The following NRXN3 variants were observed in gnomAD, a reference collection of about 807,000 sequenced individuals.
NRXN3 encodes the protein neurexin 3.
NRXN3 carries 32 observed loss-of-function variants against 137.6 expected under a neutral mutation model. The ratio of observed to expected loss-of-function variants is 0.23; its 90% confidence interval spans 0.18 to 0.31. NRXN3 has a LOEUF of 0.31. Among genes scored for constraint, NRXN3 ranks in the 10% least tolerant of loss-of-function variants. The pLI, the probability that NRXN3 is intolerant of heterozygous loss-of-function variation, is 1.00. For synonymous variants in NRXN3, 798 were observed against 784.5 expected (o/e 1.02, Z -0.29); for missense variants, 1,574 against 2,062.5 (o/e 0.76, Z 4.59).
chr14:79,366,564 C>T (rs2093900864), intron 15 of NRXN3, among the ~76,000 whole-genome samples: 1 of 152,088 alleles, frequency 6.6e-6, no homozygotes, highest in African/African-American at 2.4e-5. Context: ...GAGAACATTC[C>T]ATGCACTTCT....
chr14:78,381,291 T>G (rs2089068009), intron 4 of NRXN3, among the ~76,000 whole-genome samples: 1 of 152,122 alleles, frequency 6.6e-6, no homozygotes, highest in African/African-American at 2.4e-5. Flanking sequence ...ATTAATAAAC[T>G]TCATAAAAAT....
chr14:79,388,090 C>G (rs1385876033), intron 15 of NRXN3, among the ~76,000 whole-genome samples: 3 of 144,046 alleles, frequency 2.1e-5, no homozygotes, highest in Non-Finnish European at 4.6e-5. Context: ...TACCCTAAAA[C>G]TTAAAGTATA....
chr14:79,110,619 T>C (rs1475822787), intron 15 of NRXN3, among the ~76,000 whole-genome samples: 1 of 152,208 alleles, frequency 6.6e-6, no homozygotes, highest in Non-Finnish European at 1.5e-5. Flanking sequence ...GTCTATAGTT[T>C]AGTTAATATG....
At chr14:79,536,910 C>T (rs1040840853) in intron 16 of NRXN3, among the ~76,000 whole-genome samples, 3 of 152,134 alleles carry the variant, frequency 2.0e-5, no homozygotes, top group African/African-American at 7.2e-5. Flanking sequence ...AATAGTGCTC[C>T]AATGAACATA....
chr14:79,345,554 CAT>C (rs1194284035), intron 15 of NRXN3, among the ~76,000 whole-genome samples: 2 of 152,146 alleles, frequency 1.3e-5, no homozygotes, highest in African/African-American at 4.8e-5. Context: ...CTCCAAATCT[CAT>C]GTTGAAATAG....
At chr14:79,499,079 A>AT (rs1248285189) in intron 16 of NRXN3, among the ~76,000 whole-genome samples, 1 of 152,190 alleles carries the variant, frequency 6.6e-6, no homozygotes, top group African/African-American at 2.4e-5. Flanking sequence ...CCAGAATGGT[A>AT]TTTTTTAAAA....
intron 8 of NRXN3, among the ~76,000 whole-genome samples, chr14:78,756,052 A>G (rs1016991673): frequency 1.3e-5 from 2 of 152,244 alleles, no homozygotes; most frequent in Admixed American, 6.5e-5. Context: ...GCTTATAGCA[A>G]GTAAAATACC....
intron 15 of NRXN3, among the ~76,000 whole-genome samples, chr14:79,083,597 T>C (rs750771895): frequency 3.5e-4 from 54 of 152,228 alleles, no homozygotes; most frequent in Middle Eastern, 3.2e-3. Context: ...GACTACAATG[T>C]AAAAAATGGT....
chr14:78,175,369 G>C (rs2059158221), intron 1 of NRXN3, among the ~76,000 whole-genome samples: 1 of 152,142 alleles, frequency 6.6e-6, no homozygotes, highest in Non-Finnish European at 1.5e-5. Context: ...ATGCAGAGAA[G>C]AGATTGTTCT....
chr14:78,436,588 A>T (rs2094073979), intron 4 of NRXN3, among the ~76,000 whole-genome samples: 1 of 152,236 alleles, frequency 6.6e-6, no homozygotes, highest in Admixed American at 6.5e-5. Context: ...TTTAGCAAGG[A>T]AGCCACCACC....
At chr14:79,026,984 A>C (rs372067192) in intron 15 of NRXN3, among the ~76,000 whole-genome samples, 1 of 7,818 alleles carries the variant, frequency 1.3e-4, no homozygotes, top group African/African-American at 2.0e-4. Flanking sequence ...ATATATATAT[A>C]TATATATATA....
chr14:78,235,002 A>ATATATATATG (rs1555418551), intron 1 of NRXN3, among the ~76,000 whole-genome samples: 1 of 47,448 alleles, frequency 2.1e-5, no homozygotes, highest in African/African-American at 1.1e-4. Flanking sequence ...TTTTATATAT[A>ATATATATATG]TATATATATA....
At chr14:79,159,591 A>T (rs1400511636) in intron 15 of NRXN3, among the ~76,000 whole-genome samples, 2 of 151,610 alleles carry the variant, frequency 1.3e-5, no homozygotes, top group Non-Finnish European at 2.9e-5. Context: ...TCTCAACATC[A>T]TTTTATCCCT....
At chr14:78,577,952 T>A (rs2096953544) in intron 4 of NRXN3, among the ~76,000 whole-genome samples, 1 of 152,170 alleles carries the variant, frequency 6.6e-6, no homozygotes, top group Non-Finnish European at 1.5e-5. Context: ...GCAGTTTCTT[T>A]TGGTTTTATA....
chr14:79,720,778 T>A (rs1231707743), intron 19 of NRXN3, among the ~76,000 whole-genome samples: 1 of 152,164 alleles, frequency 6.6e-6, no homozygotes, highest in Non-Finnish European at 1.5e-5. Flanking sequence ...GACAAATAAT[T>A]CTTCAGAATG....
At chr14:78,867,544 C>T (rs2099090191) in intron 10 of NRXN3, among the ~76,000 whole-genome samples, 1 of 152,170 alleles carries the variant, frequency 6.6e-6, no homozygotes. Flanking sequence ...GCCGTAGAAA[C>T]TTGAAAGGAA....
At chr14:79,300,737 C>T (rs2085001504) in intron 15 of NRXN3, among the ~76,000 whole-genome samples, 1 of 152,026 alleles carries the variant, frequency 6.6e-6, no homozygotes, top group African/African-American at 2.4e-5. Context: ...AGGCTAGATT[C>T]AATGGGCAGG....
At chr14:79,548,598 C>T (rs1387450051) in intron 16 of NRXN3, among the ~76,000 whole-genome samples, 7 of 152,026 alleles carry the variant, frequency 4.6e-5, no homozygotes, top group Admixed American at 3.3e-4. Flanking sequence ...ACCACCCTTT[C>T]CTTCCATGAG....
chr14:78,677,312 C>T (rs1011373154), intron 6 of NRXN3, among the ~76,000 whole-genome samples: 3 of 151,956 alleles, frequency 2.0e-5, no homozygotes, highest in African/African-American at 7.3e-5. Context: ...GAAGTTGATT[C>T]CAGCTCTCAT....
Sources: gnomAD v4.1 joint callset for allele counts (sites outside exome capture counted in the v4.1 genomes callset) on GRCh38, gnomAD v4.1.1 for gene constraint, MANE v1.5 for transcripts, NCBI Gene and HGNC (gene_info 2026-07-23, HGNC 2026-07-21) for gene names.